Variants in TENM1 observed in about 807,000 individuals in gnomAD.
The protein encoded by TENM1 is teneurin-1.
A neutral mutation model predicts 174.8 loss-of-function variants in TENM1; 35 were observed. The ratio of observed to expected loss-of-function variants is 0.20; its 90% CI spans 0.15 to 0.27. The LOEUF is 0.27. Among genes scored for constraint, TENM1 ranks in the 10% least tolerant of loss-of-function variants. The pLI, the probability that TENM1 is intolerant of heterozygous loss-of-function variation, is 1.00. For missense variants in TENM1, 1,633 were observed against 2,130.1 expected (o/e 0.77, Z 4.59); for synonymous variants, 781 against 798.7 (o/e 0.98, Z 0.37).
intron 18 of TENM1, 28 bp downstream of exon 21, chrX:124,520,489 C>G: frequency 8.7e-7 from 1 of 1,155,364 alleles, no homozygotes; most frequent in Non-Finnish European, 1.2e-6. Flanking sequence ...TGTAATACTG[C>G]TATTTACATA....
At chrX:125,105,960 C>T in the TENM1 span, among the ~76,000 whole-genome samples, 3 of 112,129 alleles carry the variant, frequency 2.7e-5, no homozygotes, top group East Asian at 8.5e-4. Context: ...TGTACTCACA[C>T]CTGCTTCATT....
intron 3 of TENM1, among the ~76,000 whole-genome samples, chrX:124,873,893 C>A (rs1014586845): frequency 1.8e-5 from 2 of 111,406 alleles, no homozygotes; most frequent in Admixed American, 1.9e-4. Context: ...GGAGTTAAAA[C>A]CCCCTGTGCA....
At chrX:124,709,032 T>C (rs1372767912) in intron 4 of TENM1, among the ~76,000 whole-genome samples, 1 of 111,664 alleles carries the variant, frequency 9.0e-6, no homozygotes, top group Non-Finnish European at 1.9e-5. Flanking sequence ...CCTAATCTTC[T>C]AGATGACTGA....
chrX:124,791,028 A>G (rs1057092974), intron 3 of TENM1, among the ~76,000 whole-genome samples: 4 of 111,832 alleles, frequency 3.6e-5, no homozygotes, highest in Non-Finnish European at 5.6e-5. Flanking sequence ...AAATTTAGGC[A>G]AGCAGAAAAG....
the TENM1 span, among the ~76,000 whole-genome samples, chrX:125,118,747 TAAG>T: frequency 0.018 from 1,989 of 110,342 alleles, 42 homozygotes; most frequent in African/African-American, 0.065. Context: ...CGTCTAACAT[TAAG>T]AATAATACTA....
chrX:124,457,762 T>A (rs776189807), intron 22 of TENM1, among the ~76,000 whole-genome samples: 3 of 112,007 alleles, frequency 2.7e-5, no homozygotes, highest in Non-Finnish European at 5.6e-5. Flanking sequence ...ATTTGAGTTT[T>A]TGGCTGTGTA....
At chrX:124,951,668 ATATAT>A (rs200768088) in intron 1 of TENM1, among the ~76,000 whole-genome samples, 1,124 of 65,212 alleles carry the variant, frequency 0.017, 27 homozygotes, top group African/African-American at 0.051. Flanking sequence ...ATATATATAT[ATATAT>A]AACAATCAAT....
At chrX:124,379,674 A>G (rs1176517523) in exon 32 of TENM1, 1 of 112,437 alleles carries the variant, frequency 8.9e-6, no homozygotes, top group African/African-American at 3.2e-5. Context: ...GTGTATAGAT[A>G]CTGAATCACT....
chrX:125,088,317 C>A, the TENM1 span, among the ~76,000 whole-genome samples: 1 of 111,091 alleles, frequency 9.0e-6, no homozygotes, highest in Non-Finnish European at 1.9e-5. Context: ...GGATACGTAA[C>A]AACTAACTGT....
At chrX:124,427,129 A>G (rs1194788922) in intron 23 of TENM1, among the ~76,000 whole-genome samples, 1 of 112,255 alleles carries the variant, frequency 8.9e-6, no homozygotes, top group Non-Finnish European at 1.9e-5. Context: ...GTCTCAAGTC[A>G]GTGACCCAGA....
At chrX:124,894,867 T>C (rs1245059434) in intron 2 of TENM1, among the ~76,000 whole-genome samples, 1 of 111,830 alleles carries the variant, frequency 8.9e-6, no homozygotes, top group South Asian at 3.8e-4. Context: ...ATGCTACATA[T>C]GTCAAATATG....
At chrX:124,387,688 A>G (rs974829298) in intron 28 of TENM1, among the ~76,000 whole-genome samples, 5 of 112,293 alleles carry the variant, frequency 4.5e-5, no homozygotes, top group African/African-American at 6.5e-5. Flanking sequence ...CCCTTCTGAG[A>G]ATTATTGACT....
rs548067054 is a variant in TENM1 at position 124,874,764 on chromosome X, A to G, written c.535+19532T>C. Among the ~76,000 whole-genome samples, 277 of 111,072 alleles carry G rather than the reference A, an allele frequency of 2.5e-3. 2 individuals carry two copies. The Middle Eastern group carries it at 0.038, about 15-fold the overall frequency. On this transcript the variant is annotated intron_variant, in intron 3 of 31. Transcript: ENST00000422452. ...ACTTTATTGTTTTCTGCATGGCTACATAATTGTCTCAACACTTTTCATAAA... is the reference window on the plus strand; with the variant it reads ...ACTTTATTGTTTTCTGCATGGCTACGTAATTGTCTCAACACTTTTCATAAA...
chrX:124,383,238 C>G (rs2060180501), intron 30 of TENM1, among the ~76,000 whole-genome samples: 1 of 111,175 alleles, frequency 9.0e-6, no homozygotes, highest in Non-Finnish European at 1.9e-5. Context: ...AGCCACCGCA[C>G]CCAGCCTAAA....
intron 1 of TENM1, among the ~76,000 whole-genome samples, chrX:124,953,350 C>T (rs1247627197): frequency 9.0e-6 from 1 of 111,710 alleles, no homozygotes; most frequent in African/African-American, 3.2e-5. Flanking sequence ...GAATCAAATC[C>T]ATGTCTTTTC....
chrX:124,880,392 T>C (rs960794724), intron 3 of TENM1, among the ~76,000 whole-genome samples: 8 of 112,692 alleles, frequency 7.1e-5, no homozygotes, highest in Non-Finnish European at 1.5e-4. Flanking sequence ...CCTGCAACTT[T>C]ACTGAATTTA....
the TENM1 span, among the ~76,000 whole-genome samples, chrX:124,975,407 A>G: frequency 7.1e-5 from 8 of 112,169 alleles, no homozygotes; most frequent in East Asian, 2.2e-3. Context: ...TTTTAGCATT[A>G]AAGTACTTAT....
At chrX:124,656,773 G>C (rs755244978) in intron 6 of TENM1, among the ~76,000 whole-genome samples, 1 of 111,418 alleles carries the variant, frequency 9.0e-6, no homozygotes, top group African/African-American at 3.3e-5. Context: ...CAAAAGGTGT[G>C]GCAAACTAAA....
At chrX:124,541,405 G>C (rs1309246677) in intron 15 of TENM1, among the ~76,000 whole-genome samples, 1 of 111,728 alleles carries the variant, frequency 9.0e-6, no homozygotes, top group African/African-American at 3.3e-5. Flanking sequence ...ATGAGGTCTG[G>C]CTGTTTAAAA....
Sources: allele counts gnomAD v4.1 joint callset (sites outside exome capture counted in the v4.1 genomes callset), GRCh38; gene constraint gnomAD v4.1.1; transcripts MANE v1.5; gene names NCBI Gene and HGNC (gene_info 2026-07-23, HGNC 2026-07-21).